NFATC3: variants seen among roughly 807,000 people sequenced by gnomAD.
The protein encoded by NFATC3 is nuclear factor of activated T cells 3.
In NFATC3, 46 loss-of-function variants were observed where a neutral mutation model predicts 98.6. That is an observed-to-expected ratio of 0.47 (90% CI 0.37 to 0.60). The LOEUF (loss-of-function observed/expected upper bound fraction) is 0.60, where lower values mean the gene tolerates loss of function less well. NFATC3 is among the 20% of genes least tolerant of loss of function. The pLI, the probability that NFATC3 is intolerant of heterozygous loss-of-function variation, is 0.00. For missense variants in NFATC3, 1,256 were observed against 1,295.5 expected, an observed-to-expected ratio of 0.97 and a Z score of 0.47; for synonymous variants, 512 against 472.2, an observed-to-expected ratio of 1.08 and a Z score of -1.09.
chr16:68,212,824 CTG>C (rs1375589894), intron 9 of NFATC3, among the ~76,000 whole-genome samples: 4 of 120,926 alleles, frequency 3.3e-5, no homozygotes, highest in Admixed American at 1.0e-4. Context: ...GAGTCTCACT[CTG>C]TTGCCCAGGC....
intron 5 of NFATC3, among the ~76,000 whole-genome samples, chr16:68,172,123 G>A (rs772024148): frequency 6.6e-6 from 1 of 152,046 alleles, no homozygotes; most frequent in Non-Finnish European, 1.5e-5. Flanking sequence ...GTGAGCCACC[G>A]CGCCTGGCCC....
chr16:68,216,001 G>T (rs60343629), intron 9 of NFATC3, among the ~76,000 whole-genome samples: 1,995 of 152,152 alleles, frequency 0.013, 42 homozygotes, highest in African/African-American at 0.045. Context: ...GTGCTGGGAT[G>T]ACAGGCATGA....
chr16:68,115,759 ATTTTTTTTCT>A (rs1183980537), intron 1 of NFATC3, among the ~76,000 whole-genome samples: 1 of 151,184 alleles, frequency 6.6e-6, no homozygotes, highest in Non-Finnish European at 1.5e-5. Flanking sequence ...TTTGTTTTAA[ATTTTTTTTCT>A]TTTCCTGTGA....
At chr16:68,094,371 A>G (rs1015827106) in intron 1 of NFATC3, among the ~76,000 whole-genome samples, 20 of 152,152 alleles carry the variant, frequency 1.3e-4, no homozygotes, top group African/African-American at 4.6e-4. Flanking sequence ...AAAATGCTCA[A>G]TAGTCAGGGT....
intron 9 of NFATC3, among the ~76,000 whole-genome samples, chr16:68,214,755 TC>T (rs2041566071): frequency 6.6e-6 from 1 of 152,238 alleles, no homozygotes; most frequent in Non-Finnish European, 1.5e-5. Flanking sequence ...TGGTTGCTGA[TC>T]AGGTATGTAA....
intron 9 of NFATC3, among the ~76,000 whole-genome samples, chr16:68,194,532 T>C (rs940215449): frequency 5.3e-5 from 8 of 152,364 alleles, no homozygotes; most frequent in Admixed American, 2.6e-4. Flanking sequence ...TACGCAAATA[T>C]TGGCTTTAAA....
chr16:68,118,675 C>A (rs1372899954), intron 1 of NFATC3, among the ~76,000 whole-genome samples: 1 of 152,052 alleles, frequency 6.6e-6, no homozygotes, highest in Non-Finnish European at 1.5e-5. Context: ...TTAATGATTC[C>A]CACATTTACA....
chr16:68,108,563 C>G (rs2151476892), intron 1 of NFATC3, among the ~76,000 whole-genome samples: 1 of 152,232 alleles, frequency 6.6e-6, no homozygotes, highest in South Asian at 2.1e-4. Context: ...TATACGGGCT[C>G]TCTTTTGGTT....
In NFATC3 at chr16:68,216,489, A is replaced by C. The variant is rs141657821; in HGVS notation, c.3107-9861A>C. Among the ~76,000 whole-genome samples the C allele has an allele frequency of 2.7e-3, 405 of 152,018 alleles. 1 individual carries two copies. The highest frequency in any genetic ancestry group is 8.9e-3 in the African/African-American group (368 of 41,478). ...GTTAAAAACATTTCCTAGAGGAAACATTGTTATGACGTTGATTATAGCATC... is the reference window on the plus strand; with the variant it reads ...GTTAAAAACATTTCCTAGAGGAAACCTTGTTATGACGTTGATTATAGCATC... On this transcript the variant is annotated intron_variant, in intron 9 of 9. Transcript: ENST00000346183.
In NFATC3 at chr16:68,126,597, A is replaced by T. The variant is rs1460406863; in HGVS notation, c.1388A>T (p.His463Leu). 6.2e-7 allele frequency: 1 copy of T among 1,614,170 alleles called. No individual in the cohort carries two copies. Residue 463 changes from histidine to leucine, a missense_variant, in exon 3 of 10, where the codon CAT becomes CTT. By Grantham distance (99) the His-to-Leu change is moderately conservative (BLOSUM62 -3). Coordinates refer to ENST00000346183, the MANE Select transcript of NFATC3 (RefSeq NM_173165.3). ...GCAGTAAAAGCATCTACTGGGGGAC[A>T]TCCTGTTGTGAAGGTATGAGACTTT... ...RGAVKASTGG[H>L]PVVKLLGYNE... is the part of the protein sequence containing the mutation.
intron 9 of NFATC3, among the ~76,000 whole-genome samples, chr16:68,204,850 C>G (rs1290963865): frequency 1.3e-5 from 2 of 152,184 alleles, no homozygotes; most frequent in Non-Finnish European, 1.5e-5. Context: ...ATTTTAGGTT[C>G]AGCAGTTGAA....
At chr16:68,097,796 A>G (rs1214375286) in intron 1 of NFATC3, among the ~76,000 whole-genome samples, 1 of 152,226 alleles carries the variant, frequency 6.6e-6, no homozygotes, top group Non-Finnish European at 1.5e-5. Context: ...GTAGAGACCC[A>G]TGAAACTTTT....
chr16:68,184,047 G>C (rs1171621914), intron 8 of NFATC3, among the ~76,000 whole-genome samples: 1 of 150,820 alleles, frequency 6.6e-6, no homozygotes, highest in Non-Finnish European at 1.5e-5. Flanking sequence ...TAACAGAAAG[G>C]TAACATGATC....
At chr16:68,124,463 C>T (rs1314018164) in intron 2 of NFATC3, among the ~76,000 whole-genome samples, 22 of 147,828 alleles carry the variant, frequency 1.5e-4, no homozygotes, top group Admixed American at 1.4e-4. Context: ...GATGGAGTCT[C>T]GCTCTGTTGC....
chr16:68,112,652 T>C (rs1459097207), intron 1 of NFATC3, among the ~76,000 whole-genome samples: 23 of 132,224 alleles, frequency 1.7e-4, no homozygotes, highest in Non-Finnish European at 2.6e-4. Context: ...TTTCGTTTTT[T>C]TTTTTTTTTT....
chr16:68,089,981 G>C (rs957408741), intron 1 of NFATC3, among the ~76,000 whole-genome samples: 2 of 152,062 alleles, frequency 1.3e-5, no homozygotes, highest in Non-Finnish European at 2.9e-5. Context: ...AAGTTTACTC[G>C]ATGATAAGAT....
At chr16:68,114,632 TG>T (rs1332032713) in intron 1 of NFATC3, among the ~76,000 whole-genome samples, 1 of 151,046 alleles carries the variant, frequency 6.6e-6, no homozygotes, top group African/African-American at 2.4e-5. Flanking sequence ...TGGAGTGCTG[TG>T]GTGCAATCTT....
intron 4 of NFATC3, among the ~76,000 whole-genome samples, chr16:68,161,356 C>T (rs948764075): frequency 3.3e-5 from 5 of 152,098 alleles, no homozygotes; most frequent in East Asian, 1.9e-4. Context: ...GCACAATATT[C>T]GAATCAAGTT....
At chr16:68,138,480 A>G (rs1202017475) in intron 3 of NFATC3, 2 of 1,257,458 alleles carry the variant, frequency 1.6e-6, no homozygotes, top group Admixed American at 2.8e-5. Context: ...TTAAAAGTTT[A>G]TTTTGCATTT....
Sources: gnomAD v4.1 joint callset for allele counts (sites outside exome capture counted in the v4.1 genomes callset) on GRCh38, gnomAD v4.1.1 for gene constraint, MANE v1.5 for transcripts, NCBI Gene and HGNC (gene_info 2026-07-23, HGNC 2026-07-21) for gene names.